Variants in OPHN1 observed in about 807,000 individuals in gnomAD.
OPHN1 encodes oligophrenin 1, also known as oligophrenin-1.
Under a neutral mutation model 60.7 loss-of-function variants are expected in OPHN1, and 11 were observed. That is an observed-to-expected ratio of 0.18 (90% CI 0.11 to 0.30). The LOEUF (loss-of-function observed/expected upper bound fraction) is 0.30. Among genes scored for constraint, OPHN1 ranks in the 10% least tolerant of loss-of-function variants. The pLI is 1.00. For missense variants in OPHN1, 449 were observed against 611.0 expected, an observed-to-expected ratio of 0.73 and a Z score of 2.80; for synonymous variants, 226 against 222.6, an observed-to-expected ratio of 1.02 and a Z score of -0.14.
intron 2 of OPHN1, among the ~76,000 whole-genome samples, chrX:68,343,391 C>T (rs1313886890): frequency 5.5e-5 from 6 of 108,581 alleles, no homozygotes; most frequent in Non-Finnish European, 1.1e-4. Flanking sequence ...GAGATGAGCC[C>T]GGCCAACATG....
At chrX:68,375,663 AT>A (rs1426603180) in intron 2 of OPHN1, among the ~76,000 whole-genome samples, 3 of 110,771 alleles carry the variant, frequency 2.7e-5, no homozygotes, top group Non-Finnish European at 5.7e-5. Context: ...TGATCATCCC[AT>A]GTCAGCCTCC....
chrX:68,294,528 T>C (rs1443055094), intron 3 of OPHN1, among the ~76,000 whole-genome samples: 1 of 106,347 alleles, frequency 9.4e-6, no homozygotes, highest in Non-Finnish European at 1.9e-5. Context: ...TAAGCCTATG[T>C]GGCAAACAGG....
At position 68,289,676 on chromosome X, in the gene OPHN1, A is replaced by AC. The variant is rs1006635266; in HGVS notation, c.251-6560dup. On this transcript the variant is annotated intron_variant, in intron 3 of 24. Coordinates refer to ENST00000355520, the MANE Select transcript of OPHN1 (RefSeq NM_002547.3). ...AGTGAGCCATCTCTACAAAAGTGAG[A>AC]CCCCCCATCTCTACAAAAAACAAAC... is the stretch of plus-strand genomic sequence containing the variant. Among the ~76,000 whole-genome samples, 207 of 111,867 alleles carry AC rather than the reference A, an allele frequency of 1.9e-3. 2 individuals are homozygous for AC. Among genetic ancestry groups the AC allele is most frequent in the African/African-American group, 6.1e-3 (187 of 30,753 alleles).
chrX:68,217,868 G>A (rs908815044), intron 6 of OPHN1, among the ~76,000 whole-genome samples: 1 of 102,045 alleles, frequency 9.8e-6, no homozygotes, highest in Non-Finnish European at 2.0e-5. Context: ...AAAAAGCAGA[G>A]CGCCTCTCCT....
At position 68,422,718 on chromosome X, in the gene OPHN1, A is replaced by AAG. The variant is rs1430082225; in HGVS notation, c.154+10148_154+10149insCT. Among the ~76,000 whole-genome samples the AAG allele has an allele frequency of 1.9e-3, 164 of 85,083 alleles. 1 individual carries two copies. Among genetic ancestry groups the AAG allele is most frequent in the African/African-American group, 6.9e-3 (158 of 22,853 alleles). The allele number at this position is 85,083 out of a possible 115,157, so 73.9% of individuals were successfully genotyped here. A position where few individuals can be genotyped will look rare whatever the true frequency, so the allele number is the denominator to read the frequency against. On this transcript the variant is annotated intron_variant, in intron 2 of 24. Transcript: ENST00000355520. ...GAAGGAAAGAGAGAGAGAGAAAGAA[A>AAG]GAAAGGAAGGAAGGAAGGAAGGAAG...
intron 2 of OPHN1, among the ~76,000 whole-genome samples, chrX:68,378,844 T>C (rs1423925441): frequency 1.8e-5 from 2 of 111,950 alleles, no homozygotes; most frequent in African/African-American, 3.2e-5. Flanking sequence ...AGCCTTGTAG[T>C]ATAGCTTGAA....
At chrX:68,301,861 G>A (rs928927216) in intron 2 of OPHN1, among the ~76,000 whole-genome samples, 5 of 112,146 alleles carry the variant, frequency 4.5e-5, no homozygotes, top group African/African-American at 6.5e-5. Flanking sequence ...GTTGGATAGT[G>A]CTTTTTAGGC....
intron 15 of OPHN1, among the ~76,000 whole-genome samples, chrX:68,138,455 A>T (rs1333021979): frequency 1.8e-5 from 2 of 111,963 alleles, no homozygotes; most frequent in East Asian, 5.6e-4. Context: ...GCTGAACAAC[A>T]CAAGTTCATG....
intron 6 of OPHN1, among the ~76,000 whole-genome samples, chrX:68,214,554 A>G (rs2077599166): frequency 8.9e-6 from 1 of 112,241 alleles, no homozygotes; most frequent in Non-Finnish European, 1.9e-5. Flanking sequence ...CCTCACATTA[A>G]AGACCTGTTT....
At chrX:68,390,868 T>C (rs989616523) in intron 2 of OPHN1, among the ~76,000 whole-genome samples, 7 of 112,121 alleles carry the variant, frequency 6.2e-5, no homozygotes, top group Non-Finnish European at 1.1e-4. Flanking sequence ...ACCACAAATT[T>C]AGTAGCTTAA....
intron 10 of OPHN1, among the ~76,000 whole-genome samples, chrX:68,205,574 C>T (rs549463748): frequency 3.6e-5 from 4 of 112,023 alleles, no homozygotes; most frequent in African/African-American, 1.3e-4. Context: ...GGAGCTAAAT[C>T]TTGTGGTTAA....
At chrX:68,058,273 C>A (rs182446721) in intron 21 of OPHN1, among the ~76,000 whole-genome samples, 4 of 110,956 alleles carry the variant, frequency 3.6e-5, no homozygotes, top group Non-Finnish European at 7.5e-5. Context: ...CACACACACA[C>A]ACACACACAC....
In OPHN1 at chrX:68,324,942, G is replaced by A. The variant is rs765955220; in HGVS notation, c.155-25846C>T. ...GGAGTGCACTTGCAGTCCCAGCTAC[G>A]CGGGAGGCTGAGGTCGGAGGATCAC... On this transcript the variant is annotated intron_variant, in intron 2 of 24. Coordinates refer to ENST00000355520, the MANE Select transcript of OPHN1 (RefSeq NM_002547.3). 1.4e-4 allele frequency among the ~76,000 whole-genome samples: 15 copies of A among 109,713 alleles called. No homozygotes were observed. The South Asian group carries it at 4.7e-3, about 34-fold the overall frequency.
chrX:68,087,132 T>C (rs1259993287), intron 19 of OPHN1, among the ~76,000 whole-genome samples: 1 of 112,478 alleles, frequency 8.9e-6, no homozygotes, highest in Non-Finnish European at 1.9e-5. Flanking sequence ...TAGGGCTTCA[T>C]GGTCTCTGAT....
chrX:68,252,860 GA>G (rs1183673483), intron 5 of OPHN1, among the ~76,000 whole-genome samples: 1 of 109,913 alleles, frequency 9.1e-6, no homozygotes, highest in African/African-American at 3.3e-5. Context: ...AAGTAAATAA[GA>G]AAAAAAATCC....
Position 68,111,937 on chromosome X carries a change from G to A in OPHN1, c.1443C>T (p.Arg481=), listed in dbSNP as rs376845562. ...SAAKSDNLDY[R]LGAIHSLVYK... ...ATACCAGGGAGTGAATAGCTCCTAG[G>A]CGGTAATCCAGGTTGTCAGACTCTG... Residue 481 remains arginine, a synonymous_variant, in exon 18 of 25, where the codon CGC becomes CGT. Transcript: ENST00000355520. The A allele has an allele frequency of 8.3e-7, 1 of 1,200,683 alleles. No individual in the cohort carries two copies. Among genetic ancestry groups the A allele is most frequent in the African/African-American group, 1.8e-5 (1 of 56,651 alleles).
chrX:68,411,219 T>G (rs1406310757), intron 2 of OPHN1, among the ~76,000 whole-genome samples: 1 of 111,432 alleles, frequency 9.0e-6, no homozygotes, highest in African/African-American at 3.3e-5. Context: ...GTCACGGGGG[T>G]TTGGTGTACA....
Position 68,053,777 on chromosome X carries a change from G to A in OPHN1, c.2192C>T (p.Pro731Leu). The A allele has an allele frequency of 8.3e-7, 1 of 1,210,348 alleles. No homozygotes were observed. Among genetic ancestry groups the A allele is most frequent in the Non-Finnish European group, 1.1e-6 (1 of 895,111 alleles). Residue 731 changes from proline to leucine, a missense_variant, in exon 22 of 25, where the codon CCA becomes CTA. Physicochemically the swap from Pro to Leu is moderately conservative, Grantham distance 98. Coordinates refer to ENST00000355520, the MANE Select transcript of OPHN1 (RefSeq NM_002547.3). ...GCGGATGATGGTTGGCTTTTCTCCT[G>A]GAGGCCGCACTTTGCTGAAACTGTC... ...DADSFSKVRP[P>L]GEKPTIIRPP... is the part of the protein sequence containing the mutation.
intron 11 of OPHN1, among the ~76,000 whole-genome samples, chrX:68,201,065 A>G (rs1332548258): frequency 9.0e-6 from 1 of 111,651 alleles, no homozygotes; most frequent in African/African-American, 3.3e-5. Flanking sequence ...GAAGTCCAAA[A>G]TGTGCAAGCC....
Sources: allele counts gnomAD v4.1 joint callset (sites outside exome capture counted in the v4.1 genomes callset), GRCh38; gene constraint gnomAD v4.1.1; transcripts MANE v1.5; gene names NCBI Gene and HGNC (gene_info 2026-07-23, HGNC 2026-07-21).